MGAT4D: variants seen among roughly 807,000 people sequenced by gnomAD.
The protein encoded by MGAT4D is MGAT4 family member D, also known as alpha-1,3-mannosyl-glycoprotein 4-beta-N-acetylglucosaminyltransferase-like protein MGAT4D.
A neutral mutation model predicts 15.9 loss-of-function variants in MGAT4D; 34 were observed. That is an observed-to-expected ratio of 2.14 (90% CI 1.62 to 2.84). The LOEUF is 2.84. MGAT4D is among the 30% of genes most tolerant of loss of function. The pLI is 0.00. For missense variants in MGAT4D, 327 were observed against 140.2 expected, an observed-to-expected ratio of 2.33 and a Z score of -6.73; for synonymous variants, 112 against 48.2, an observed-to-expected ratio of 2.33 and a Z score of -5.49.
chr4:140,447,555 G>C (rs1357169447), intron 10 of MGAT4D, among the ~76,000 whole-genome samples: 1 of 152,164 alleles, frequency 6.6e-6, no homozygotes, highest in Non-Finnish European at 1.5e-5. Flanking sequence ...TTTGTTGGTA[G>C]ATTTTTCTCC....
intron 10 of MGAT4D, among the ~76,000 whole-genome samples, chr4:140,450,847 G>C (rs1024289397): frequency 6.6e-6 from 1 of 152,032 alleles, no homozygotes; most frequent in African/African-American, 2.4e-5. Context: ...TAGTTCACCA[G>C]GACTGAAAAC....
chr4:140,486,750 A>G (rs762783635), intron 1 of MGAT4D, among the ~76,000 whole-genome samples: 3 of 152,246 alleles, frequency 2.0e-5, no homozygotes, highest in Non-Finnish European at 4.4e-5. Flanking sequence ...ACTTGTCAGT[A>G]TAAGAACTAA....
At chr4:140,448,257 G>A (rs999409540) in intron 10 of MGAT4D, among the ~76,000 whole-genome samples, 1 of 152,074 alleles carries the variant, frequency 6.6e-6, no homozygotes, top group African/African-American at 2.4e-5. Context: ...CTCTAGCGAG[G>A]GTGGAGAAGC....
chr4:140,482,480 G>T lies in MGAT4D; in HGVS notation c.100C>A (p.Gln34Lys). 1.6e-6 allele frequency: 1 copy of T among 624,634 alleles called. No homozygotes were observed. Among genetic ancestry groups the T allele is most frequent in the South Asian group, 1.9e-5 (1 of 53,924 alleles). The allele number at this position is 624,634 out of a possible 1,614,324, so 38.7% of individuals were successfully genotyped here. ...SIYRITQTNN[Q>K]LINCRNHILE... is the part of the protein sequence containing the mutation. ...ATATGGTTTCTACAGTTAATTAATT[G>T]ATTATCTGCAATGAAAACATATGTA... The change falls in exon 2 of 11, where the codon CAA becomes AAA. Residue 34 changes from glutamine to lysine, a missense_variant. Coordinates refer to ENST00000511113, the MANE Select transcript of MGAT4D (RefSeq NM_001277353.2).
At chr4:140,464,445 G>A (rs1175945555) in intron 6 of MGAT4D, among the ~76,000 whole-genome samples, 6 of 152,046 alleles carry the variant, frequency 3.9e-5, no homozygotes, top group African/African-American at 1.2e-4. Flanking sequence ...AGTTAGGAAA[G>A]CTAAGAAAAA....
rs1729875743 is a variant in MGAT4D, at chr4:140,443,089, C to T, written c.*347G>A. The T allele has an allele frequency of 6.4e-6, 1 of 157,144 alleles. No individual in the cohort carries two copies. The highest frequency in any genetic ancestry group is 1.4e-5 in the Non-Finnish European group (1 of 71,620). 9.7% of individuals were successfully genotyped at this position (157,144 alleles called of 1,614,324 possible). A position where few individuals can be genotyped will look rare whatever the true frequency, so the allele number is the denominator to read the frequency against. On this transcript the variant is annotated 3_prime_UTR_variant, in exon 11 of 11. Transcript: ENST00000511113. The stretch of plus-strand genomic sequence containing the variant: ...TGGATAACGGCATATACCAATTCAC[C>T]CCAAACTTCTCCCTGACAATAGCAA...
intron 1 of MGAT4D, among the ~76,000 whole-genome samples, chr4:140,493,287 CTTTT>C (rs551838799): frequency 2.7e-5 from 3 of 112,522 alleles, no homozygotes; most frequent in African/African-American, 6.7e-5. Context: ...TGTTCCTTTA[CTTTT>C]TTTTTTTTTT....
intron 1 of MGAT4D, among the ~76,000 whole-genome samples, chr4:140,491,716 G>A (rs1048164329): frequency 1.3e-5 from 2 of 152,054 alleles, no homozygotes; most frequent in Middle Eastern, 3.4e-3. Flanking sequence ...TAAGGGAACA[G>A]AGAGCGGAGA....
chr4:140,487,564 A>G (rs1245173928), intron 1 of MGAT4D, among the ~76,000 whole-genome samples: 1 of 152,220 alleles, frequency 6.6e-6, no homozygotes, highest in Admixed American at 6.5e-5. Flanking sequence ...CAATATATCC[A>G]AAATGTTTCA....
At chr4:140,460,377 C>T (rs1221225170) in intron 7 of MGAT4D, among the ~76,000 whole-genome samples, 1 of 152,194 alleles carries the variant, frequency 6.6e-6, no homozygotes, top group Admixed American at 6.5e-5. Context: ...TAGATGATGT[C>T]TTCCACTGTG....
chr4:140,462,017 A>T lies in MGAT4D; in HGVS notation c.687-13T>A. 1.4e-6 allele frequency: 1 copy of T among 699,916 alleles called. No homozygotes were observed. Among genetic ancestry groups the T allele is most frequent in the Non-Finnish European group, 2.6e-6 (1 of 383,424 alleles). 43.4% of individuals were successfully genotyped at this position (699,916 alleles called of 1,614,324 possible). A position where few individuals can be genotyped will look rare whatever the true frequency, so the allele number is the denominator to read the frequency against. Reference sequence around the variant, plus strand: ...TTTGATTCGCCAACTAAAGGTAATCAATAAGATCTGTTAATATTTGTCATT... The same window carrying T: ...TTTGATTCGCCAACTAAAGGTAATCTATAAGATCTGTTAATATTTGTCATT... On this transcript the variant is annotated splice_polypyrimidine_tract_variant and intron_variant, in intron 6 of 10. Coordinates refer to ENST00000511113, the MANE Select transcript of MGAT4D (RefSeq NM_001277353.2).
chr4:140,490,991 G>T (rs1038985596), intron 1 of MGAT4D, among the ~76,000 whole-genome samples: 2 of 151,872 alleles, frequency 1.3e-5, no homozygotes, highest in Non-Finnish European at 2.9e-5. Flanking sequence ...ATGAATCCTC[G>T]ACTTAATAGT....
chr4:140,452,614 T>C (rs1360733440), intron 9 of MGAT4D, among the ~76,000 whole-genome samples: 1 of 152,166 alleles, frequency 6.6e-6, no homozygotes. Flanking sequence ...CTTTTAAAAA[T>C]TGAGTTGCTT....
intron 1 of MGAT4D, among the ~76,000 whole-genome samples, chr4:140,485,043 A>G (rs1733009145): frequency 6.6e-6 from 1 of 152,204 alleles, no homozygotes; most frequent in Non-Finnish European, 1.5e-5. Context: ...CAGCCATCCC[A>G]TTACTGGGTA....
chr4:140,442,676 C>T lies in MGAT4D; in HGVS notation c.*760G>A, dbSNP rs1279663404. On this transcript the variant is annotated 3_prime_UTR_variant, in exon 11 of 11. Transcript: ENST00000511113. ...ATATTTAAAAGGGAGTATACAGAAA[C>T]TATACATTCTTTCCAAAGTCATATG... is the stretch of plus-strand genomic sequence containing the variant. The T allele has an allele frequency of 6.6e-6, 1 of 152,040 alleles. No homozygotes were observed. Among genetic ancestry groups the T allele is most frequent in the Non-Finnish European group, 1.5e-5 (1 of 67,970 alleles). 9.4% of individuals were successfully genotyped at this position (152,040 alleles called of 1,614,324 possible).
chr4:140,469,827 C>G (rs1731797348), intron 5 of MGAT4D, among the ~76,000 whole-genome samples: 1 of 152,248 alleles, frequency 6.6e-6, no homozygotes. Flanking sequence ...GCCAGACTTT[C>G]AGCGACCCCG....
intron 10 of MGAT4D, among the ~76,000 whole-genome samples, chr4:140,443,983 G>GA (rs1332964172): frequency 4.6e-5 from 7 of 151,978 alleles, no homozygotes; most frequent in East Asian, 1.9e-4. Context: ...AGTCAAAGGG[G>GA]AAAAAACCCC....
In MGAT4D at chr4:140,463,149, A is replaced by C. The variant is rs541158750; in HGVS notation, c.687-1145T>G. On this transcript the variant is annotated intron_variant, in intron 6 of 10. Coordinates refer to ENST00000511113, the MANE Select transcript of MGAT4D (RefSeq NM_001277353.2). ...GAAGCCAAGAGAAATATAAAAGTAG[A>C]CGAAGCAGTGGGAAGAGCCCTGTAG... 4.2e-4 allele frequency among the ~76,000 whole-genome samples: 64 copies of C among 152,236 alleles called. 1 individual carries two copies. The South Asian group carries it at 8.5e-3, about 20-fold the overall frequency.
chr4:140,482,597 A>G, intron 1 of MGAT4D, 112 bp from the exon 2 acceptor site: 2 of 469,292 alleles, frequency 4.3e-6, no homozygotes, highest in Non-Finnish European at 7.4e-6. Flanking sequence ...ATATAGTACT[A>G]TATATGTATT....
Sources: allele counts gnomAD v4.1 joint callset (sites outside exome capture counted in the v4.1 genomes callset), GRCh38; gene constraint gnomAD v4.1.1; transcripts MANE v1.5; gene names NCBI Gene and HGNC (gene_info 2026-07-23, HGNC 2026-07-21).